The following NEK2 variants were observed in gnomAD, a reference collection of about 807,000 sequenced individuals.
The protein encoded by NEK2 is NIMA related kinase 2.
In NEK2, 28 loss-of-function variants were observed where a neutral mutation model predicts 54.1. That is an observed-to-expected ratio of 0.52 (90% CI 0.38 to 0.71). The LOEUF (loss-of-function observed/expected upper bound fraction) is 0.71. Among genes scored for constraint, NEK2 ranks in the 30% least tolerant of loss-of-function variants. The probability of loss-of-function intolerance (pLI) is 0.00; values close to 1 mark genes in which losing one functional copy is unlikely to be tolerated. For missense variants in NEK2, 407 were observed against 531.5 expected (o/e 0.77, Z 2.30); for synonymous variants, 176 against 193.1 (o/e 0.91, Z 0.73).
Position 211,675,373 on chromosome 1 carries a change from C to A in NEK2, c.96+11G>T, listed in dbSNP as rs1655547448. On this transcript the variant is annotated intron_variant, in intron 1 of 7. Coordinates refer to ENST00000366999, the MANE Select transcript of NEK2 (RefSeq NM_002497.4). ...AAGCAGGGGCAGGCGCAGGGTAGGT[C>A]CCACGCTCACCTTGCCATCACTCTT... 6.2e-7 allele frequency: 1 copy of A among 1,612,460 alleles called. No homozygotes were observed. The highest frequency in any genetic ancestry group is 1.3e-5 in the African/African-American group (1 of 74,926).
At chr1:211,668,007 C>T (rs1284157868) in intron 6 of NEK2, among the ~76,000 whole-genome samples, 1 of 151,580 alleles carries the variant, frequency 6.6e-6, no homozygotes, top group Non-Finnish European at 1.5e-5. Flanking sequence ...GATGGTGCCA[C>T]TGCACTTCAG....
downstream of NEK2, chr1:211,660,217 G>A (rs770948421): frequency 3.8e-5 from 12 of 315,178 alleles, no homozygotes; most frequent in East Asian, 1.4e-4. Flanking sequence ...GATTTTGCAC[G>A]CCAGCCCCAG....
chr1:211,660,990 C>T (rs534641220), downstream of NEK2: 63 of 743,548 alleles, frequency 8.5e-5, 1 homozygote, highest in East Asian at 1.5e-3. Flanking sequence ...CACACCAACC[C>T]ACCATCAGGG....
chr1:211,673,782 A>G (rs900561983), intron 2 of NEK2, 59 bp from the exon 3 acceptor site: 1 of 1,537,976 alleles, frequency 6.5e-7, no homozygotes, highest in Non-Finnish European at 8.9e-7. Context: ...CCAAGATGGG[A>G]TGATATAAAT....
intron 2 of NEK2, 95 bp downstream of exon 2, chr1:211,674,201 A>G (rs890483671): frequency 9.8e-7 from 1 of 1,017,142 alleles, no homozygotes; most frequent in East Asian, 2.5e-5. Flanking sequence ...ACAAATACAA[A>G]TACACTCTTC....
rs1655508077 is a variant in NEK2 at position 211,674,390 on chromosome 1, T to C, written c.220A>G (p.Ile74Val). The change falls in exon 2 of 8, where the codon ATT (isoleucine) becomes GTT (valine). Residue 74 changes from isoleucine (I) to valine (V), a missense_variant. By Grantham distance (29) the Ile-to-Val change is conservative. Coordinates refer to ENST00000366999, the MANE Select transcript of NEK2 (RefSeq NM_002497.4). Reference sequence around the variant, plus strand: ...AGTGTTGTATTGGTCCGGTCAATAATCCGATCATAGTAACGAACGATGTTT... The same window carrying C: ...AGTGTTGTATTGGTCCGGTCAATAACCCGATCATAGTAACGAACGATGTTT... ...HPNIVRYYDR[I>V]IDRTNTTLYI... 6.2e-7 allele frequency: 1 copy of C among 1,614,068 alleles called. No homozygotes were observed.
downstream of NEK2, chr1:211,661,391 C>T (rs555203606): frequency 4.7e-5 from 15 of 320,594 alleles, no homozygotes; most frequent in African/African-American, 1.7e-4. Flanking sequence ...GGAAAAAAAA[C>T]AAACTTTATT....
chr1:211,663,465 A>G lies in NEK2; in HGVS notation c.1299T>C (p.Asn433=), dbSNP rs759515769. 3 of 1,613,716 alleles carry G rather than the reference A, an allele frequency of 1.9e-6. No individual in the cohort carries two copies. Among genetic ancestry groups the G allele is most frequent in the Non-Finnish European group, 2.5e-6 (3 of 1,179,780 alleles). The change falls in exon 8 of 8, where the codon AAT becomes AAC. Residue 433 remains asparagine, a synonymous_variant. Transcript: ENST00000366999. ...RAQALSDIEK[N]YQLKSRQILG... ...GGATCTGTCTGCTTTTCAGTTGGTAATTTTTCTCAATATCTGACAGGGCTT... is the reference window on the plus strand; with the variant it reads ...GGATCTGTCTGCTTTTCAGTTGGTAGTTTTTCTCAATATCTGACAGGGCTT...
In NEK2 at chr1:211,666,742, T is replaced by C. The variant is rs539471116; in HGVS notation, c.1111+364A>G. 3.5e-4 allele frequency: 132 copies of C among 373,238 alleles called. 2 individuals carry two copies. In the South Asian group the frequency reaches 0.013, roughly 38 times the overall value. 23.1% of individuals were successfully genotyped at this position (373,238 alleles called of 1,614,324 possible). On this transcript the variant is annotated intron_variant, in intron 7 of 7. Coordinates refer to ENST00000366999, the MANE Select transcript of NEK2 (RefSeq NM_002497.4). ...TGAACCCGGGAGGCAGAGCTTGCAG[T>C]GAGCCGAGATTGTGCCACTGCACTC...
chr1:211,667,166 G>A lies in NEK2; in HGVS notation c.1051C>T (p.Leu351=), dbSNP rs774266098. 1.2e-6 allele frequency: 2 copies of A among 1,613,642 alleles called. No individual in the cohort carries two copies. The highest frequency in any genetic ancestry group is 3.3e-5 in the Admixed American group (2 of 59,974). ...AEDKLARAEN[L]LKNYSLLKER... is the part of the protein sequence containing the mutation. ...TTTAGCAAGCTGTAGTTCTTCAACA[G>A]ATTTTCTGCTCTAGCCAGTTTGTCC... The change falls in exon 7 of 8, where the codon CTG becomes TTG. Residue 351 remains leucine (L), a synonymous_variant. Coordinates refer to ENST00000366999, the MANE Select transcript of NEK2 (RefSeq NM_002497.4).
chr1:211,674,588 C>A (rs1054941708), intron 1 of NEK2, 75 bp from the exon 2 acceptor site: 8 of 1,041,734 alleles, frequency 7.7e-6, no homozygotes, highest in Non-Finnish European at 9.8e-6. Context: ...CAAGATTTAA[C>A]AAATTACCTC....
In NEK2 at chr1:211,667,124, A is replaced by T; in HGVS notation, c.1093T>A (p.Ser365Thr). The T allele has an allele frequency of 6.2e-7, 1 of 1,613,754 alleles. No homozygotes were observed. Among genetic ancestry groups the T allele is most frequent in the Non-Finnish European group, 8.5e-7 (1 of 1,179,918 alleles). Residue 365 changes from serine (S) to threonine (T), a missense_variant, in exon 7 of 8, where the codon TCT becomes ACT. Ser to Thr is a moderately conservative substitution (Grantham distance 58). Transcript: ENST00000366999. ...YSLLKERKFL[S>T]LASNPELLNL... is the part of the protein sequence containing the mutation. The stretch of plus-strand genomic sequence containing the variant: ...CTCATACCTGGATTACTTGCCAGAG[A>T]CAGGAACTTCCGTTCCTTTAGCAAG...
At chr1:211,661,609 T>C (rs1655020230), downstream of NEK2, among the ~76,000 whole-genome samples, 1 of 152,226 alleles carries the variant, frequency 6.6e-6, no homozygotes, top group Non-Finnish European at 1.5e-5. Context: ...CCAGTAGGGA[T>C]AGTTTTGAAA....
rs768041011 is a variant in NEK2, at chr1:211,669,119, A to G, written c.979T>C (p.Leu327=). The part of the protein sequence containing the change: ...ERALKAREER[L]EQKEQELCVR... ...GACCCCCATTCAGACTTACGCTCCAATCTTTCTTCTCTTGCTTTGAGAGCT... is the reference window on the plus strand; with the variant it reads ...GACCCCCATTCAGACTTACGCTCCAGTCTTTCTTCTCTTGCTTTGAGAGCT... Residue 327 remains leucine, a synonymous_variant, in exon 6 of 8, where the codon TTG becomes CTG. Coordinates refer to ENST00000366999, the MANE Select transcript of NEK2 (RefSeq NM_002497.4). 2.5e-6 allele frequency: 4 copies of G among 1,613,636 alleles called. No homozygotes were observed. The highest frequency in any genetic ancestry group is 1.3e-5 in the African/African-American group (1 of 74,884).
chr1:211,661,869 A>T (rs1655026192), downstream of NEK2, among the ~76,000 whole-genome samples: 1 of 152,190 alleles, frequency 6.6e-6, no homozygotes, highest in Non-Finnish European at 1.5e-5. Context: ...TTCATGAAGG[A>T]GCAGAATTTG....
intron 7 of NEK2, 151 bp from the exon 8 acceptor site, chr1:211,663,803 G>A: frequency 2.8e-6 from 2 of 719,092 alleles, no homozygotes; most frequent in Admixed American, 2.9e-5. Flanking sequence ...GGTTAGGGGT[G>A]TAGGACTTGC....
At chr1:211,673,768 A>G (rs370164536) in intron 2 of NEK2, 45 bp from the exon 3 acceptor site, 51 of 1,584,930 alleles carry the variant, frequency 3.2e-5, no homozygotes, top group Admixed American at 6.8e-5. Context: ...TAAAAAAATC[A>G]TTGCCAAGAT....
At position 211,675,612 on chromosome 1, in the gene NEK2, G is replaced by C. The variant is rs1159422886; in HGVS notation, c.-133C>G. 1.0e-5 allele frequency: 7 copies of C among 680,052 alleles called. No individual in the cohort carries two copies. Among genetic ancestry groups the C allele is most frequent in the Non-Finnish European group, 1.8e-5 (7 of 397,988 alleles). The allele number at this position is 680,052 out of a possible 1,614,324, so 42.1% of individuals were successfully genotyped here. A position where few individuals can be genotyped will look rare whatever the true frequency, so the allele number is the denominator to read the frequency against. On this transcript the variant is annotated 5_prime_UTR_variant, in exon 1 of 8. Transcript: ENST00000366999. The stretch of plus-strand genomic sequence containing the variant: ...GCACTGACCCGCCACCCCTGCCTTG[G>C]GCCCCGTTTAACCGTCGCGGGCCCT...
downstream of NEK2, among the ~76,000 whole-genome samples, chr1:211,659,934 G>A (rs566263792): frequency 2.7e-5 from 4 of 150,942 alleles, no homozygotes; most frequent in South Asian, 8.4e-4. Flanking sequence ...CAATCCTCCT[G>A]CCTCAGCCTC....
Sources: gnomAD v4.1 joint callset for allele counts (sites outside exome capture counted in the v4.1 genomes callset) on GRCh38, gnomAD v4.1.1 for gene constraint, MANE v1.5 for transcripts, NCBI Gene and HGNC (gene_info 2026-07-23, HGNC 2026-07-21) for gene names.